Variants in ZNF486 observed in about 807,000 individuals in gnomAD.
The protein encoded by ZNF486 is KRAB box only protein 2.
Under a neutral mutation model 12.8 loss-of-function variants are expected in ZNF486, and 12 were observed. The observed-to-expected ratio is 0.94, with a 90% CI of 0.60 to 1.52. The LOEUF (loss-of-function observed/expected upper bound fraction) is 1.52, where lower values mean the gene tolerates loss of function less well. Among genes scored for constraint, ZNF486 ranks in the 40% most tolerant of loss-of-function variants. ZNF486 has a pLI of 0.00. For missense variants in ZNF486, 738 were observed against 545.0 expected, an observed-to-expected ratio of 1.35 and a Z score of -3.53; for synonymous variants, 231 against 184.9, an observed-to-expected ratio of 1.25 and a Z score of -2.02.
chr19:20,169,892 T>G (rs1481744489), intron 1 of ZNF486, among the ~76,000 whole-genome samples: 1 of 144,296 alleles, frequency 6.9e-6, no homozygotes, highest in Non-Finnish European at 1.5e-5. Context: ...TTGTATGTTT[T>G]TTTTTTTTTT....
intron 1 of ZNF486, among the ~76,000 whole-genome samples, chr19:20,167,592 C>T (rs1046009047): frequency 6.6e-6 from 1 of 152,206 alleles, no homozygotes; most frequent in Admixed American, 6.5e-5. Context: ...CTGGCGCCCT[C>T]TCTGTGCAGC....
chr19:20,178,825 A>G lies in ZNF486; in HGVS notation c.31-5531A>G, dbSNP rs182477258. Among the ~76,000 whole-genome samples the G allele has an allele frequency of 3.3e-5, 5 of 152,134 alleles. 1 individual carries two copies. Among genetic ancestry groups the G allele is most frequent in the Admixed American group, 2.0e-4 (3 of 15,274 alleles). ...ATCAATCATTTTATCTCTTTCAATG[A>G]CTCCTGTATCTTCAGACTTGAAACA... On this transcript the variant is annotated intron_variant, in intron 1 of 3. Coordinates refer to ENST00000335117, the MANE Select transcript of ZNF486 (RefSeq NM_052852.4).
Position 20,198,105 on chromosome 19 carries a change from A to C in ZNF486, c.*3A>C. The stretch of plus-strand genomic sequence containing the variant: ...TTGGACAGAAACCAAGAACGTGACA[A>C]AGGATTATTTTATTATTATTATTTT... On this transcript the variant is annotated 3_prime_UTR_variant, in exon 4 of 4. Coordinates refer to ENST00000335117, the MANE Select transcript of ZNF486 (RefSeq NM_052852.4). The C allele has an allele frequency of 6.4e-7, 1 of 1,552,950 alleles. No individual in the cohort carries two copies. The highest frequency in any genetic ancestry group is 8.7e-7 in the Non-Finnish European group (1 of 1,150,934).
chr19:20,184,106 CTTTAT>C (rs376545437), intron 1 of ZNF486, among the ~76,000 whole-genome samples: 72 of 152,136 alleles, frequency 4.7e-4, no homozygotes, highest in African/African-American at 1.5e-3. Flanking sequence ...TGTTCATGCC[CTTTAT>C]TTTATACTTT....
intron 3 of ZNF486, among the ~76,000 whole-genome samples, chr19:20,194,969 G>A (rs1165260378): frequency 9.9e-5 from 15 of 151,118 alleles, no homozygotes; most frequent in African/African-American, 2.7e-4. Flanking sequence ...CACGATTTTC[G>A]GTTTTTTGGT....
intron 1 of ZNF486, chr19:20,176,147 G>A (rs1053833774): frequency 4.3e-5 from 8 of 184,142 alleles, no homozygotes; most frequent in Non-Finnish European, 9.1e-5. Context: ...CCTCCCAGAC[G>A]GGGTCGCGGC....
chr19:20,197,881 G>T lies in ZNF486; in HGVS notation c.1171G>T (p.Ala391Ser), dbSNP rs781863131. 2.2e-5 allele frequency: 36 copies of T among 1,611,238 alleles called. No homozygotes were observed. The highest frequency in any genetic ancestry group is 3.1e-5 in the Non-Finnish European group (36 of 1,179,268). The part of the protein sequence containing the change: ...EECGKAFTWS[A>S]GLHKHRRTHT... ...ATGTGGCAAAGCCTTTACATGGTCT[G>T]CAGGCCTCCATAAACATAGGAGAAC... is the stretch of plus-strand genomic sequence containing the variant. The change falls in exon 4 of 4, where the codon GCA becomes TCA. Residue 391 changes from alanine to serine, a missense_variant. Ala to Ser is a moderately conservative substitution (Grantham distance 99). Transcript: ENST00000335117.
chr19:20,181,557 G>T (rs1195865016), intron 1 of ZNF486, among the ~76,000 whole-genome samples: 1 of 137,256 alleles, frequency 7.3e-6, no homozygotes, highest in Admixed American at 7.2e-5. Context: ...AAAAAAAAAA[G>T]GGAAAAATAA....
intron 1 of ZNF486, among the ~76,000 whole-genome samples, chr19:20,183,613 G>T (rs2089810283): frequency 1.3e-5 from 2 of 152,118 alleles, no homozygotes; most frequent in South Asian, 4.1e-4. Flanking sequence ...ATTTATCGTA[G>T]TGCAGTTAAT....
At chr19:20,185,427 T>C (rs1304173683) in intron 2 of ZNF486, among the ~76,000 whole-genome samples, 6 of 142,792 alleles carry the variant, frequency 4.2e-5, no homozygotes, top group African/African-American at 1.6e-4. Flanking sequence ...TTTTTTTTTT[T>C]TGAGATGGAG....
chr19:20,177,984 C>T (rs782383769), intron 1 of ZNF486, among the ~76,000 whole-genome samples: 11 of 149,214 alleles, frequency 7.4e-5, no homozygotes, highest in Non-Finnish European at 1.2e-4. Context: ...AGTGTGATGG[C>T]GCAAACTTGG....
At chr19:20,168,233 C>T (rs1239566241) in intron 1 of ZNF486, among the ~76,000 whole-genome samples, 4 of 152,148 alleles carry the variant, frequency 2.6e-5, no homozygotes, top group African/African-American at 4.8e-5. Context: ...GTGGCAGGCA[C>T]CTGTAATCCC....
chr19:20,197,896 CAT>C lies in ZNF486; in HGVS notation c.1188_1189del (p.His396GlnfsTer13), dbSNP rs1299545386. ...TACATGGTCTGCAGGCCTCCATAAA[CAT>C]AGGAGAACTCATACTGGAGAGAAAC... ...AFTWSAGLHKHRRTHTGEKPY... is the reference protein window; with the variant it reads ...AFTWSAGLHKXRRTHTGEKPY... On this transcript the variant is annotated frameshift_variant, in exon 4 of 4. Coordinates refer to ENST00000335117, the MANE Select transcript of ZNF486 (RefSeq NM_052852.4). LOFTEE classifies it low-confidence loss of function (END_TRUNC). 3.7e-6 allele frequency: 6 copies of C among 1,613,250 alleles called. No homozygotes were observed. The highest frequency in any genetic ancestry group is 3.3e-5 in the Admixed American group (2 of 59,984).
intron 1 of ZNF486, among the ~76,000 whole-genome samples, chr19:20,174,195 G>C (rs559585484): frequency 6.6e-6 from 1 of 152,136 alleles, no homozygotes; most frequent in African/African-American, 2.4e-5. Context: ...ATTATCCAAG[G>C]AAATTATCCA....
At chr19:20,178,226 C>A (rs1220850943) in intron 1 of ZNF486, among the ~76,000 whole-genome samples, 1 of 151,732 alleles carries the variant, frequency 6.6e-6, no homozygotes, top group South Asian at 2.1e-4. Context: ...CCATGTCCAG[C>A]GAAGAAAATT....
rs1555713121 is a variant in ZNF486, at chr19:20,167,255, C to G, written c.-76C>G. Reference sequence around the variant, plus strand: ...GGAGCTCTAGGTCGCCTCTTCGCTACTCTGTGTCCTCTGCTCCTAGAGGCC... The same window carrying G: ...GGAGCTCTAGGTCGCCTCTTCGCTAGTCTGTGTCCTCTGCTCCTAGAGGCC... On this transcript the variant is annotated 5_prime_UTR_variant, in exon 1 of 4. Transcript: ENST00000335117. The G allele has an allele frequency of 6.3e-7, 1 of 1,589,184 alleles. No individual in the cohort carries two copies. The highest frequency in any genetic ancestry group is 8.6e-7 in the Non-Finnish European group (1 of 1,157,482).
intron 1 of ZNF486, among the ~76,000 whole-genome samples, chr19:20,172,678 C>T (rs541028623): frequency 1.4e-5 from 2 of 146,448 alleles, no homozygotes; most frequent in South Asian, 4.3e-4. Context: ...GAGATGGAGT[C>T]GCTTAGACTG....
At chr19:20,175,486 C>CA (rs1385191246) in intron 1 of ZNF486, among the ~76,000 whole-genome samples, 10 of 151,384 alleles carry the variant, frequency 6.6e-5, no homozygotes, top group African/African-American at 2.4e-4. Context: ...CGGCCTTCCG[C>CA]AGTGTTTGTG....
chr19:20,173,566 C>T (rs2089673036), intron 1 of ZNF486, among the ~76,000 whole-genome samples: 2 of 152,112 alleles, frequency 1.3e-5, no homozygotes, highest in Admixed American at 6.6e-5. Flanking sequence ...TGTGGTGGCT[C>T]ATGCCTGTAA....
Sources: allele counts gnomAD v4.1 joint callset (sites outside exome capture counted in the v4.1 genomes callset), GRCh38; gene constraint gnomAD v4.1.1; transcripts MANE v1.5; gene names NCBI Gene and HGNC (gene_info 2026-07-23, HGNC 2026-07-21).